The following TMCC3 variants were observed in gnomAD, a reference collection of about 807,000 sequenced individuals.
TMCC3 encodes transmembrane and coiled-coil domain protein 3.
Under a neutral mutation model 40.2 loss-of-function variants are expected in TMCC3, and 28 were observed. The ratio of observed to expected loss-of-function variants is 0.70; its 90% CI spans 0.52 to 0.95. The LOEUF is 0.95. TMCC3 is among the 40% of genes least tolerant of loss of function. The pLI is 0.00. For missense variants in TMCC3, 554 were observed against 615.2 expected (o/e 0.90, Z 1.05); for synonymous variants, 255 against 248.5 (o/e 1.03, Z -0.25).
chr12:94,650,463 C>A lies in TMCC3; in HGVS notation c.-33G>T. 8.0e-7 allele frequency: 1 copy of A among 1,250,846 alleles called. No individual in the cohort carries two copies. Among genetic ancestry groups the A allele is most frequent in the Non-Finnish European group, 1.0e-6 (1 of 993,648 alleles). 77.5% of individuals were successfully genotyped at this position (1,250,846 alleles called of 1,614,324 possible). A position where few individuals can be genotyped will look rare whatever the true frequency, so the allele number is the denominator to read the frequency against. On this transcript the variant is annotated 5_prime_UTR_variant, in exon 1 of 4. Coordinates refer to ENST00000261226, the MANE Select transcript of TMCC3 (RefSeq NM_020698.4). ...CTCCGGCCGCGAACTTTCCCGTCTT[C>A]TGGGGCTGCCGCGCCGCGAGCCACC...
At chr12:94,622,112 C>T (rs1224677408) in intron 1 of TMCC3, among the ~76,000 whole-genome samples, 4 of 152,226 alleles carry the variant, frequency 2.6e-5, no homozygotes, top group Admixed American at 2.6e-4. Context: ...CAGCAAAAGA[C>T]CTCTAATTAC....
rs761686046 is a variant in TMCC3, at chr12:94,582,433, G to C, written c.184C>G (p.His62Asp). The C allele has an allele frequency of 6.1e-5, 99 of 1,613,788 alleles. 1 individual carries two copies. The South Asian group carries it at 1.0e-3, about 16-fold the overall frequency. Reference sequence around the variant, plus strand: ...CTGTCTGCAGTGAGTTTGACCTTGTGGAAGTCCAGGATGCCATCCGGGACA... The same window carrying C: ...CTGTCTGCAGTGAGTTTGACCTTGTCGAAGTCCAGGATGCCATCCGGGACA... ...FDVPDGILDF[H>D]KVKLTADSLK... The change falls in exon 2 of 4, where the codon CAC (histidine) becomes GAC (aspartate). Residue 62 changes from histidine (H) to aspartate (D), a missense_variant. Transcript: ENST00000261226.
chr12:94,584,915 G>A (rs906569965), intron 1 of TMCC3, among the ~76,000 whole-genome samples: 1 of 151,826 alleles, frequency 6.6e-6, no homozygotes, highest in African/African-American at 2.4e-5. Flanking sequence ...AGTCCTAGAG[G>A]GTCGACCACA....
intron 1 of TMCC3, among the ~76,000 whole-genome samples, chr12:94,610,949 T>C (rs2068812664): frequency 1.3e-5 from 2 of 152,166 alleles, no homozygotes; most frequent in South Asian, 2.1e-4. Context: ...ATATTATCTT[T>C]TTGAGAGAGT....
At chr12:94,642,625 G>C (rs777702167) in intron 1 of TMCC3, among the ~76,000 whole-genome samples, 19 of 152,244 alleles carry the variant, frequency 1.2e-4, no homozygotes, top group Non-Finnish European at 8.8e-5. Flanking sequence ...AAAAGATCTG[G>C]TCTCTGGAGA....
At position 94,581,900 on chromosome 12, in the gene TMCC3, G is replaced by A. The variant is rs772754535; in HGVS notation, c.717C>T (p.Tyr239=). The change falls in exon 2 of 4, where the codon TAC becomes TAT. Residue 239 remains tyrosine (Y), a synonymous_variant. Coordinates refer to ENST00000261226, the MANE Select transcript of TMCC3 (RefSeq NM_020698.4). ...TGTTCACGATGGTAGCGCTGCCCCCGTAGGCCCTGGCACTCGCCTCTGGCC... is the reference window on the plus strand; with the variant it reads ...TGTTCACGATGGTAGCGCTGCCCCCATAGGCCCTGGCACTCGCCTCTGGCC... The part of the protein sequence containing the change: ...EFRPEASARA[Y]GGSATIVNKP... The A allele has an allele frequency of 2.5e-5, 41 of 1,614,110 alleles. No homozygotes were observed. In the South Asian group the frequency reaches 3.5e-4, roughly 14 times the overall value.
chr12:94,625,229 A>C (rs1433202844), intron 1 of TMCC3, among the ~76,000 whole-genome samples: 1 of 151,322 alleles, frequency 6.6e-6, no homozygotes, highest in African/African-American at 2.4e-5. Context: ...GTTGTGAGGT[A>C]GTGGTGGTTA....
At chr12:94,589,922 C>T (rs965810828) in intron 1 of TMCC3, among the ~76,000 whole-genome samples, 3 of 152,106 alleles carry the variant, frequency 2.0e-5, no homozygotes, top group South Asian at 2.1e-4. Context: ...CCCCAGATCC[C>T]GCGAGAACCT....
At chr12:94,626,180 C>T (rs144016643) in intron 1 of TMCC3, among the ~76,000 whole-genome samples, 5 of 152,294 alleles carry the variant, frequency 3.3e-5, no homozygotes, top group African/African-American at 4.8e-5. Context: ...TTCACTATCA[C>T]GAGAACAGCA....
chr12:94,572,814 C>T (rs568472064), intron 3 of TMCC3, among the ~76,000 whole-genome samples: 5 of 152,072 alleles, frequency 3.3e-5, no homozygotes, highest in Admixed American at 1.3e-4. Context: ...CGGAGGAAGG[C>T]GAGAGAAGGG....
intron 1 of TMCC3, among the ~76,000 whole-genome samples, chr12:94,640,269 C>T (rs573078439): frequency 6.6e-6 from 1 of 152,288 alleles, no homozygotes; most frequent in Non-Finnish European, 1.5e-5. Context: ...CCCACCTCAC[C>T]CCTCCCAGGG....
intron 1 of TMCC3, among the ~76,000 whole-genome samples, chr12:94,635,946 T>C (rs564126316): frequency 2.0e-5 from 3 of 152,126 alleles, no homozygotes; most frequent in Non-Finnish European, 4.4e-5. Context: ...TGGGATTACA[T>C]GCATAAGCCA....
At chr12:94,633,495 A>G (rs2068944304) in intron 1 of TMCC3, among the ~76,000 whole-genome samples, 1 of 152,246 alleles carries the variant, frequency 6.6e-6, no homozygotes, top group Non-Finnish European at 1.5e-5. Context: ...TCTGCTTACT[A>G]TTTAATCACA....
intron 1 of TMCC3, among the ~76,000 whole-genome samples, chr12:94,597,139 ATATATATATATATATATATG>A (rs1264748480): frequency 0.04 from 593 of 14,906 alleles, 45 homozygotes; most frequent in African/African-American, 0.078. Context: ...ATATATATAT[ATATATATATATATATATATG>A]TATATAAATT....
intron 1 of TMCC3, among the ~76,000 whole-genome samples, chr12:94,583,713 A>G (rs566798850): frequency 6.6e-6 from 1 of 152,280 alleles, no homozygotes; most frequent in East Asian, 1.9e-4. Context: ...TCACTTCACT[A>G]CCATGCCAGA....
chr12:94,628,531 C>A (rs2138874313), intron 1 of TMCC3, among the ~76,000 whole-genome samples: 1 of 152,342 alleles, frequency 6.6e-6, no homozygotes, highest in East Asian at 1.9e-4. Flanking sequence ...AACCTGCCTA[C>A]AGAATGACTG....
intron 1 of TMCC3, among the ~76,000 whole-genome samples, chr12:94,621,879 G>A (rs1226256150): frequency 6.6e-6 from 1 of 152,192 alleles, no homozygotes; most frequent in Non-Finnish European, 1.5e-5. Flanking sequence ...GGGCATGTCA[G>A]AACGCACCAC....
chr12:94,579,167 C>T (rs1360084111), intron 2 of TMCC3, among the ~76,000 whole-genome samples: 1 of 152,216 alleles, frequency 6.6e-6, no homozygotes, highest in Non-Finnish European at 1.5e-5. Flanking sequence ...TACAAAGATT[C>T]TCATTCCTGT....
intron 1 of TMCC3, among the ~76,000 whole-genome samples, chr12:94,615,099 C>A (rs17022912): frequency 0.037 from 5,639 of 152,150 alleles, 219 homozygotes; most frequent in African/African-American, 0.1. Context: ...CTGATTAGGA[C>A]AAAACCACCT....
Sources: allele counts gnomAD v4.1 joint callset (sites outside exome capture counted in the v4.1 genomes callset), GRCh38; gene constraint gnomAD v4.1.1; transcripts MANE v1.5; gene names NCBI Gene and HGNC (gene_info 2026-07-23, HGNC 2026-07-21).